Variants in ME2 observed in about 807,000 individuals in gnomAD.
The protein encoded by ME2 is NAD-dependent malic enzyme, mitochondrial.
A neutral mutation model predicts 73.7 loss-of-function variants in ME2; 60 were observed. That is an observed-to-expected ratio of 0.81 (90% CI 0.66 to 1.01). The LOEUF is 1.01. Among genes scored for constraint, ME2 ranks in the 50% least tolerant of loss-of-function variants. The pLI is 0.00. For synonymous variants in ME2, 199 were observed against 236.9 expected, an observed-to-expected ratio of 0.84 and a Z score of 1.47; for missense variants, 594 against 705.5, an observed-to-expected ratio of 0.84 and a Z score of 1.79.
intron 1 of ME2, among the ~76,000 whole-genome samples, chr18:50,882,424 T>C (rs1916346231): frequency 6.6e-6 from 1 of 152,198 alleles, no homozygotes; most frequent in Non-Finnish European, 1.5e-5. Flanking sequence ...TGTAAAGCTC[T>C]AAAGGCTTGA....
chr18:50,884,195 G>T (rs1916399607), intron 1 of ME2, among the ~76,000 whole-genome samples: 1 of 151,488 alleles, frequency 6.6e-6, no homozygotes, highest in East Asian at 1.9e-4. Flanking sequence ...TCTATCACTT[G>T]CTAATAAAAT....
intron 13 of ME2, chr18:50,939,232 T>C (rs1917888908): frequency 5.9e-6 from 1 of 168,282 alleles, no homozygotes; most frequent in South Asian, 2.0e-4. Flanking sequence ...TAAAAAAAAT[T>C]GTCATTGCCT....
chr18:50,915,572 T>A (rs1444500191), intron 4 of ME2: 1 of 152,244 alleles, frequency 6.6e-6, no homozygotes, highest in African/African-American at 2.4e-5. Flanking sequence ...AGGCCATTAG[T>A]AGTTAAGTTT....
chr18:50,941,839 C>T (rs576890456), intron 15 of ME2, among the ~76,000 whole-genome samples: 33 of 151,750 alleles, frequency 2.2e-4, no homozygotes, highest in African/African-American at 6.3e-4. Context: ...ACACTTTTTC[C>T]AATACTTAGA....
intron 1 of ME2, among the ~76,000 whole-genome samples, chr18:50,892,546 T>G (rs910390553): frequency 1.3e-5 from 2 of 152,266 alleles, no homozygotes; most frequent in Non-Finnish European, 2.9e-5. Context: ...TTAGTTTCTG[T>G]GTTGGTGTAT....
intron 13 of ME2, among the ~76,000 whole-genome samples, chr18:50,936,129 C>CA (rs1411061177): frequency 6.6e-6 from 1 of 151,292 alleles, no homozygotes; most frequent in Admixed American, 6.6e-5. Flanking sequence ...GCAGTCAGAA[C>CA]AAAAAGATTT....
chr18:50,896,481 G>A (rs572567973), intron 2 of ME2, among the ~76,000 whole-genome samples: 4 of 152,158 alleles, frequency 2.6e-5, no homozygotes, highest in African/African-American at 4.8e-5. Flanking sequence ...CAAAAGTGAC[G>A]TGCAATATTG....
chr18:50,889,923 G>A (rs1916565781), intron 1 of ME2, among the ~76,000 whole-genome samples: 1 of 152,118 alleles, frequency 6.6e-6, no homozygotes, highest in African/African-American at 2.4e-5. Flanking sequence ...ATGTAATTTA[G>A]AATTTGAAAT....
chr18:50,942,996 CTA>C (rs1206412717), intron 15 of ME2, among the ~76,000 whole-genome samples: 3 of 151,854 alleles, frequency 2.0e-5, no homozygotes, highest in African/African-American at 7.3e-5. Flanking sequence ...GAGACAGAGT[CTA>C]TGTTGCCAAG....
rs1918234777 is a variant in ME2, at chr18:50,951,896, A to T, written c.*4712A>T. 1 of 131,626 alleles carries T rather than the reference A, an allele frequency of 7.6e-6. No individual in the cohort carries two copies. Among genetic ancestry groups the T allele is most frequent in the Non-Finnish European group, 1.6e-5 (1 of 61,438 alleles). The allele number at this position is 131,626 out of a possible 1,614,324, so 8.2% of individuals were successfully genotyped here. A position where few individuals can be genotyped will look rare whatever the true frequency, so the allele number is the denominator to read the frequency against. On this transcript the variant is annotated 3_prime_UTR_variant, in exon 16 of 16. Coordinates refer to ENST00000321341, the MANE Select transcript of ME2 (RefSeq NM_002396.5). ...AAAAAAAAAAAAAAAAAAAAAAAAAAAAAAAAATCTCCAGGGTTCTGTTGA... is the reference window on the plus strand; with the variant it reads ...AAAAAAAAAAAAAAAAAAAAAAAAATAAAAAAATCTCCAGGGTTCTGTTGA...
chr18:50,919,435 A>G (rs973788121), intron 7 of ME2, among the ~76,000 whole-genome samples: 1 of 152,194 alleles, frequency 6.6e-6, no homozygotes, highest in Non-Finnish European at 1.5e-5. Context: ...ACATCTTCTC[A>G]GAAATTGCCA....
At chr18:50,891,056 A>C (rs1916596182) in intron 1 of ME2, among the ~76,000 whole-genome samples, 1 of 152,256 alleles carries the variant, frequency 6.6e-6, no homozygotes, top group African/African-American at 2.4e-5. Context: ...ACATAAGCTC[A>C]GACAAATCAA....
At position 50,952,220 on chromosome 18, in the gene ME2, A is replaced by G. The variant is rs1918241587; in HGVS notation, c.*5036A>G. The G allele has an allele frequency of 6.6e-6, 1 of 152,204 alleles. No homozygotes were observed. Among genetic ancestry groups the G allele is most frequent in the African/African-American group, 2.4e-5 (1 of 41,450 alleles). The allele number at this position is 152,204 out of a possible 1,614,324, so 9.4% of individuals were successfully genotyped here. On this transcript the variant is annotated 3_prime_UTR_variant, in exon 16 of 16. Coordinates refer to ENST00000321341, the MANE Select transcript of ME2 (RefSeq NM_002396.5). ...AGTTCACAGCAATTTGACCATAGAA[A>G]ACTTTCTCATCTGAAATCAGGGTAA...
At chr18:50,946,903 T>C in intron 15 of ME2, 114 bp from the exon 16 acceptor site, 1 of 778,110 alleles carries the variant, frequency 1.3e-6, no homozygotes. Flanking sequence ...TTTTTTACTG[T>C]GAAAAAAGAA....
At chr18:50,889,476 C>T (rs1267166034) in intron 1 of ME2, among the ~76,000 whole-genome samples, 1 of 152,186 alleles carries the variant, frequency 6.6e-6, no homozygotes, top group Non-Finnish European at 1.5e-5. Context: ...ATGCCTTGCC[C>T]TCTACATCTC....
rs747521578 is a variant in ME2, at chr18:50,924,133, A to G, written c.1092A>G (p.Pro364=). 8.7e-6 allele frequency: 14 copies of G among 1,613,408 alleles called. No individual in the cohort carries two copies. Among genetic ancestry groups the G allele is most frequent in the South Asian group, 1.1e-5 (1 of 90,960 alleles). ...RKAKIDSYQE[P]FTHSAPESIP... ...CAAAAATAGATAGTTATCAGGAACCATTTACTCACTCAGCCCCAGAGAGCA... is the reference window on the plus strand; with the variant it reads ...CAAAAATAGATAGTTATCAGGAACCGTTTACTCACTCAGCCCCAGAGAGCA... The change falls in exon 11 of 16, where the codon CCA becomes CCG. Residue 364 remains proline (P), a synonymous_variant. Transcript: ENST00000321341.
chr18:50,929,651 A>G (rs557707510), intron 12 of ME2, among the ~76,000 whole-genome samples: 1 of 152,254 alleles, frequency 6.6e-6, no homozygotes, highest in African/African-American at 2.4e-5. Context: ...TTCTAAATCA[A>G]TCACAAAATC....
chr18:50,912,197 A>C (rs1254068126), intron 3 of ME2, among the ~76,000 whole-genome samples: 1 of 152,198 alleles, frequency 6.6e-6, no homozygotes, highest in Non-Finnish European at 1.5e-5. Flanking sequence ...ACTGACTTTC[A>C]AGCTTTCAAG....
chr18:50,929,535 T>C (rs1917644373), intron 12 of ME2, among the ~76,000 whole-genome samples: 2 of 151,720 alleles, frequency 1.3e-5, no homozygotes, highest in South Asian at 4.1e-4. Flanking sequence ...TTGACACATG[T>C]ATTCTCTCAA....
Sources: allele counts gnomAD v4.1 joint callset (sites outside exome capture counted in the v4.1 genomes callset), GRCh38; gene constraint gnomAD v4.1.1; transcripts MANE v1.5; gene names NCBI Gene and HGNC (gene_info 2026-07-23, HGNC 2026-07-21).